Variants in OR13G1 observed in about 807,000 individuals in gnomAD.
OR13G1 encodes olfactory receptor family 13 subfamily G member 1, also known as olfactory receptor 13G1.
For synonymous variants in OR13G1, 128 were observed against 136.2 expected (o/e 0.94, Z 0.42); for missense variants, 369 against 385.7 (o/e 0.96, Z 0.36).
intron 1 of OR13G1, among the ~76,000 whole-genome samples, chr1:247,676,700 G>C (rs1659351496): frequency 6.6e-6 from 1 of 151,988 alleles, no homozygotes; most frequent in African/African-American, 2.4e-5. Context: ...ATTTGGTCTT[G>C]GATAAAATAA....
intron 1 of OR13G1, among the ~76,000 whole-genome samples, chr1:247,678,811 T>C (rs1176012): frequency 0.51 from 76,925 of 151,822 alleles, 19,589 homozygotes; most frequent in Admixed American, 0.61. Flanking sequence ...CTACAAAGGA[T>C]AATCAACCAC....
In OR13G1 at chr1:247,671,337, C is replaced by A. The variant is rs186285464; in HGVS notation, c.*781G>T. On this transcript the variant is annotated 3_prime_UTR_variant, in exon 2 of 2. Transcript: ENST00000642119. ...TTCTACTTGGGTTATGGATGAGACG[C>A]CTAGTAATACAAAAGCCATTCATGA... is the stretch of plus-strand genomic sequence containing the variant. 1 of 152,028 alleles carries A rather than the reference C, an allele frequency of 6.6e-6. No individual in the cohort carries two copies. The highest frequency in any genetic ancestry group is 1.9e-4 in the East Asian group (1 of 5,154). The allele number at this position is 152,028 out of a possible 1,614,324, so 9.4% of individuals were successfully genotyped here. A position where few individuals can be genotyped will look rare whatever the true frequency, so the allele number is the denominator to read the frequency against.
chr1:247,674,743 G>A (rs562327566), intron 1 of OR13G1, among the ~76,000 whole-genome samples: 1 of 142,442 alleles, frequency 7.0e-6, no homozygotes. Context: ...ATGCATGGGA[G>A]TAAAAATAAT....
intron 1 of OR13G1, among the ~76,000 whole-genome samples, chr1:247,677,381 C>T (rs562555417): frequency 1.3e-3 from 195 of 152,256 alleles, no homozygotes; most frequent in African/African-American, 4.4e-3. Context: ...ATGTGACATA[C>T]CCCAGTTTTA....
Position 247,672,309 on chromosome 1 carries a change from C to T in OR13G1, c.733G>A (p.Val245Met), listed in dbSNP as rs1218011154. ...FSTCSSHLTV[V>M]TLYYSPVIYT... is the part of the protein sequence containing the mutation. The stretch of plus-strand genomic sequence containing the variant: ...ATTACAGGAGAATAGTAAAGGGTCA[C>T]CACTGTGAGATGAGATGAGCATGTT... Residue 245 changes from valine to methionine, a missense_variant, in exon 2 of 2, where the codon GTG becomes ATG. Coordinates refer to ENST00000642119, the MANE Select transcript of OR13G1 (RefSeq NM_001005487.2). The T allele has an allele frequency of 1.9e-6, 3 of 1,613,290 alleles. No individual in the cohort carries two copies. Among genetic ancestry groups the T allele is most frequent in the Admixed American group, 1.7e-5 (1 of 59,912 alleles).
At position 247,672,365 on chromosome 1, in the gene OR13G1, C is replaced by T. The variant is rs554735414; in HGVS notation, c.677G>A (p.Arg226His). The T allele has an allele frequency of 1.5e-5, 25 of 1,613,708 alleles. No homozygotes were observed. Among genetic ancestry groups the T allele is most frequent in the Middle Eastern group, 3.3e-4 (2 of 6,082 alleles). The change falls in exon 2 of 2, where the codon CGC (arginine) becomes CAC (histidine). Residue 226 changes from arginine (R) to histidine (H), a missense_variant. By Grantham distance (29) the Arg-to-His change is conservative (BLOSUM62 0). Coordinates refer to ENST00000642119, the MANE Select transcript of OR13G1 (RefSeq NM_001005487.2). ...GFIIVAILRI[R>H]TVEGKRKAFS... ...GGCCTTCCTCTTGCCTTCTACTGTG[C>T]GGATACGGAGAATAGCAACAATGAT...
intron 1 of OR13G1, among the ~76,000 whole-genome samples, chr1:247,675,056 A>G (rs955674311): frequency 2.8e-4 from 42 of 152,274 alleles, no homozygotes; most frequent in Admixed American, 1.7e-3. Context: ...AAAAAATACT[A>G]TGTGTTGAAT....
At chr1:247,675,485 G>T (rs1308255801) in intron 1 of OR13G1, among the ~76,000 whole-genome samples, 2 of 152,104 alleles carry the variant, frequency 1.3e-5, no homozygotes. Context: ...GGGAACCTGA[G>T]GATTCTGTTT....
rs1288322282 is a variant in OR13G1, at chr1:247,672,899, T to C, written c.143A>G (p.Tyr48Cys). 6.8e-6 allele frequency: 11 copies of C among 1,614,090 alleles called. No homozygotes were observed. The highest frequency in any genetic ancestry group is 8.5e-6 in the Non-Finnish European group (10 of 1,179,998). Residue 48 changes from tyrosine to cysteine, a missense_variant, in exon 2 of 2, where the codon TAT becomes TGT. Coordinates refer to ENST00000642119, the MANE Select transcript of OR13G1 (RefSeq NM_001005487.2). ...CATGGGCGTATGCAAGGTGTTGTTA[T>C]AGATTTTGGCAATGATGATGAGCAT... ...GNMLIIIAKIYNNTLHTPMYV... is the reference protein window; with the variant it reads ...GNMLIIIAKICNNTLHTPMYV...
intron 1 of OR13G1, among the ~76,000 whole-genome samples, chr1:247,676,810 G>C (rs561404342): frequency 1.1e-4 from 17 of 152,182 alleles, no homozygotes; most frequent in Non-Finnish European, 2.4e-4. Flanking sequence ...CATTTATACT[G>C]TTCTTCTTTC....
chr1:247,673,389 C>T (rs967394647), intron 1 of OR13G1, 110 bp from the exon 2 acceptor site: 10 of 231,864 alleles, frequency 4.3e-5, no homozygotes, highest in Admixed American at 2.6e-4. Flanking sequence ...TATATATATA[C>T]ACACACATAT....
rs1659234250 is a variant in OR13G1, at chr1:247,672,623, G to A, written c.419C>T (p.Ala140Val). The A allele has an allele frequency of 6.2e-7, 1 of 1,614,042 alleles. No individual in the cohort carries two copies. The highest frequency in any genetic ancestry group is 1.7e-5 in the Admixed American group (1 of 59,984). The part of the protein sequence containing the change: ...STIMNHHMCV[A>V]LLSMVMAIAV... ...AATAGCCATGACCATGCTGAGCAAG[G>A]CTACACACATATGGTGGTTCATAAT... Residue 140 changes from alanine to valine, a missense_variant, in exon 2 of 2, where the codon GCC becomes GTC. Ala to Val is a moderately conservative substitution (Grantham distance 64, BLOSUM62 0). Coordinates refer to ENST00000642119, the MANE Select transcript of OR13G1 (RefSeq NM_001005487.2).
chr1:247,672,979 C>T lies in OR13G1; in HGVS notation c.63G>A (p.Gln21=). ...TGAGAAAAAAGAGGAAGATAATTCC[C>T]TGGAGTTCAGGCTTTTTGGTGAGGC... ...ILGLTKKPEL[Q]GIIFLFFLIV... Residue 21 remains glutamine, a synonymous_variant, in exon 2 of 2, where the codon CAG becomes CAA. Transcript: ENST00000642119. 6.2e-7 allele frequency: 1 copy of T among 1,613,958 alleles called. No individual in the cohort carries two copies. The highest frequency in any genetic ancestry group is 1.1e-5 in the South Asian group (1 of 91,066).
Position 247,673,036 on chromosome 1 carries a change from A to T in OR13G1, c.6T>A (p.Asn2Lys), listed in dbSNP as rs1278201432. 1.2e-6 allele frequency: 2 copies of T among 1,606,546 alleles called. No individual in the cohort carries two copies. Among genetic ancestry groups the T allele is most frequent in the Admixed American group, 1.7e-5 (1 of 59,554 alleles). Residue 2 changes from asparagine (N) to lysine (K), a missense_variant, in exon 2 of 2, where the codon AAT becomes AAA. Asn to Lys is a moderately conservative substitution (Grantham distance 94, BLOSUM62 0). Coordinates refer to ENST00000642119, the MANE Select transcript of OR13G1 (RefSeq NM_001005487.2). MNHSVVTEFIIL... is the reference protein window; with the variant it reads MKHSVVTEFIIL... The stretch of plus-strand genomic sequence containing the variant: ...TAATGAACTCAGTTACAACGCTGTG[A>T]TTCATCCTGCTTGGGTGATTGAATG...
chr1:247,674,737 AT>A (rs1247315485), intron 1 of OR13G1, among the ~76,000 whole-genome samples: 1 of 147,524 alleles, frequency 6.8e-6, no homozygotes, highest in Non-Finnish European at 1.5e-5. Context: ...CAAACAATGC[AT>A]GGGAGTAAAA....
At chr1:247,674,869 T>C (rs1429169230) in intron 1 of OR13G1, among the ~76,000 whole-genome samples, 2 of 152,108 alleles carry the variant, frequency 1.3e-5, no homozygotes, top group African/African-American at 4.8e-5. Flanking sequence ...CAAAATAATA[T>C]GGCAAGTGTA....
At chr1:247,675,394 G>A (rs1252790235) in intron 1 of OR13G1, among the ~76,000 whole-genome samples, 1 of 152,110 alleles carries the variant, frequency 6.6e-6, no homozygotes, top group Non-Finnish European at 1.5e-5. Context: ...ACAAGGGCAA[G>A]TTTCAAAAAA....
At chr1:247,675,619 G>A (rs573302701) in intron 1 of OR13G1, among the ~76,000 whole-genome samples, 1 of 152,184 alleles carries the variant, frequency 6.6e-6, no homozygotes, top group Admixed American at 6.5e-5. Flanking sequence ...GGCTGAACCT[G>A]GAATGACACT....
At chr1:247,675,000 A>G (rs1659314503) in intron 1 of OR13G1, among the ~76,000 whole-genome samples, 2 of 152,230 alleles carry the variant, frequency 1.3e-5, no homozygotes, top group African/African-American at 4.8e-5. Context: ...TAATTCAAAT[A>G]TTAGAATCTT....
Sources: gnomAD v4.1 joint callset for allele counts (sites outside exome capture counted in the v4.1 genomes callset) on GRCh38, gnomAD v4.1.1 for gene constraint, MANE v1.5 for transcripts, NCBI Gene and HGNC (gene_info 2026-07-23, HGNC 2026-07-21) for gene names.